Variants in EYA4 observed in about 807,000 individuals in gnomAD.
The protein encoded by EYA4 is protein phosphatase EYA4.
A neutral mutation model predicts 87.9 loss-of-function variants in EYA4; 31 were observed. That is an observed-to-expected ratio of 0.35 (90% confidence interval 0.27 to 0.48). The LOEUF is 0.48. Among genes scored for constraint, EYA4 ranks in the 20% least tolerant of loss-of-function variants. The pLI is 0.99. For missense variants in EYA4, 678 were observed against 761.4 expected, an observed-to-expected ratio of 0.89 and a Z score of 1.29; for synonymous variants, 263 against 270.6, an observed-to-expected ratio of 0.97 and a Z score of 0.28.
chr6:133,306,038 C>T (rs76850763), intron 2 of EYA4, among the ~76,000 whole-genome samples: 2,901 of 152,130 alleles, frequency 0.019, 94 homozygotes, highest in African/African-American at 0.066. Context: ...TGATCACAGA[C>T]GACATTGTGC....
chr6:133,324,228 C>T (rs1203634363), intron 2 of EYA4, among the ~76,000 whole-genome samples: 3 of 152,150 alleles, frequency 2.0e-5, no homozygotes, highest in Non-Finnish European at 4.4e-5. Flanking sequence ...TTATATAGTG[C>T]ATCTCTTTAT....
intron 2 of EYA4, among the ~76,000 whole-genome samples, chr6:133,331,138 C>G (rs1219874512): frequency 6.6e-6 from 1 of 150,780 alleles, no homozygotes; most frequent in Non-Finnish European, 1.5e-5. Context: ...TTCAAAGACC[C>G]CATTGTATTC....
intron 3 of EYA4, among the ~76,000 whole-genome samples, chr6:133,385,234 G>A (rs1158698782): frequency 6.7e-6 from 1 of 148,680 alleles, no homozygotes; most frequent in Non-Finnish European, 1.5e-5. Context: ...GGAAGGCGGA[G>A]CTTGCAGTGA....
At chr6:133,416,558 C>T (rs1309854803) in intron 3 of EYA4, among the ~76,000 whole-genome samples, 1 of 152,178 alleles carries the variant, frequency 6.6e-6, no homozygotes, top group Non-Finnish European at 1.5e-5. Context: ...CCTATCTCTG[C>T]ATCACTAGAT....
chr6:133,254,257 T>A (rs1775159239), intron 1 of EYA4, among the ~76,000 whole-genome samples: 1 of 152,204 alleles, frequency 6.6e-6, no homozygotes, highest in African/African-American at 2.4e-5. Context: ...TGCCTTCTGC[T>A]AAGATCGATT....
At chr6:133,366,690 G>A (rs1192642433) in intron 2 of EYA4, among the ~76,000 whole-genome samples, 1 of 151,522 alleles carries the variant, frequency 6.6e-6, no homozygotes, top group Non-Finnish European at 1.5e-5. Context: ...GACATGATTT[G>A]TTAAGTGTTT....
chr6:133,383,385 G>A (rs957788235), intron 3 of EYA4, among the ~76,000 whole-genome samples: 1 of 152,010 alleles, frequency 6.6e-6, no homozygotes, highest in African/African-American at 2.4e-5. Flanking sequence ...ATGATGGATG[G>A]TGGGTGCCTG....
At chr6:133,433,003 CA>C (rs1791325443) in intron 3 of EYA4, among the ~76,000 whole-genome samples, 1 of 152,164 alleles carries the variant, frequency 6.6e-6, no homozygotes, top group South Asian at 2.1e-4. Context: ...GACTTAAATT[CA>C]TGTTCCTGAT....
chr6:133,251,086 G>T (rs1303540724), intron 1 of EYA4, among the ~76,000 whole-genome samples: 1 of 152,172 alleles, frequency 6.6e-6, no homozygotes, highest in African/African-American at 2.4e-5. Flanking sequence ...AGTTGGCATT[G>T]GCCATTTACG....
intron 3 of EYA4, among the ~76,000 whole-genome samples, chr6:133,411,621 G>A (rs1372588295): frequency 6.6e-6 from 1 of 151,746 alleles, no homozygotes; most frequent in Non-Finnish European, 1.5e-5. Context: ...GTATGACTCA[G>A]TCTATCTTGC....
chr6:133,403,335 A>C (rs927179271), intron 3 of EYA4, among the ~76,000 whole-genome samples: 1 of 152,218 alleles, frequency 6.6e-6, no homozygotes, highest in Non-Finnish European at 1.5e-5. Flanking sequence ...AAACTATGAA[A>C]TAGCTGGCTG....
At position 133,353,125 on chromosome 6, in the gene EYA4, G is replaced by A. The variant is rs2148255; in HGVS notation, c.34-29267G>A. Among the ~76,000 whole-genome samples the A allele has an allele frequency of 3.2e-3, 493 of 152,234 alleles. 3 individuals are homozygous for A. The highest frequency in any genetic ancestry group is 0.011 in the African/African-American group (462 of 41,580). On this transcript the variant is annotated intron_variant, in intron 2 of 19. Coordinates refer to ENST00000355286, the MANE Select transcript of EYA4 (RefSeq NM_004100.5). The stretch of plus-strand genomic sequence containing the variant: ...CATGTCTGTAAGTTGTGCTGAGAAT[G>A]TTTATTCTCCCACAATGAAGATAAC...
chr6:133,272,137 G>A (rs1242252773), intron 1 of EYA4, among the ~76,000 whole-genome samples: 1 of 152,196 alleles, frequency 6.6e-6, no homozygotes, highest in East Asian at 1.9e-4. Context: ...TTTCCCTTCA[G>A]CGCTGTCCTT....
intron 5 of EYA4, among the ~76,000 whole-genome samples, chr6:133,449,612 C>T (rs1234816075): frequency 1.3e-5 from 2 of 152,304 alleles, no homozygotes; most frequent in South Asian, 4.1e-4. Flanking sequence ...CTTAGCACTA[C>T]ACATACTGGC....
intron 2 of EYA4, among the ~76,000 whole-genome samples, chr6:133,376,393 G>A (rs2128470918): frequency 6.6e-6 from 1 of 151,860 alleles, no homozygotes; most frequent in East Asian, 1.9e-4. Flanking sequence ...TCAGTGTATA[G>A]TATGTCCTAA....
Position 133,448,165 on chromosome 6 carries a change from C to T in EYA4, c.263C>T (p.Pro88Leu). 1.2e-6 allele frequency: 2 copies of T among 1,613,052 alleles called. No individual in the cohort carries two copies. Among genetic ancestry groups the T allele is most frequent in the Non-Finnish European group, 1.7e-6 (2 of 1,179,052 alleles). Residue 88 changes from proline to leucine, a missense_variant, in exon 5 of 20, where the codon CCC (proline) becomes CTC (leucine). By Grantham distance (98) the Pro-to-Leu change is moderately conservative. Coordinates refer to ENST00000355286, the MANE Select transcript of EYA4 (RefSeq NM_004100.5). ...TADWLLSCNT[P>L]SSATMSLLAV... ...GACTGGTTGCTGAGTTGCAACACCC[C>T]CTCTTCTGCAACAAGTATGAGAGAT... is the stretch of plus-strand genomic sequence containing the variant.
intron 19 of EYA4, among the ~76,000 whole-genome samples, chr6:133,527,840 A>T (rs1167412825): frequency 6.6e-6 from 1 of 152,214 alleles, no homozygotes; most frequent in African/African-American, 2.4e-5. Context: ...AGAAGATGTC[A>T]TCAGCCCAAA....
At chr6:133,426,127 C>T (rs1300026593) in intron 3 of EYA4, among the ~76,000 whole-genome samples, 1 of 143,972 alleles carries the variant, frequency 6.9e-6, no homozygotes, top group African/African-American at 2.9e-5. Flanking sequence ...TTACAGAAAA[C>T]TCAGTAAAGT....
chr6:133,408,255 A>G (rs1788900375), intron 3 of EYA4, among the ~76,000 whole-genome samples: 1 of 152,162 alleles, frequency 6.6e-6, no homozygotes, highest in Non-Finnish European at 1.5e-5. Flanking sequence ...AAAAGCTAGG[A>G]AGATACTCCT....
Sources: allele counts gnomAD v4.1 joint callset (sites outside exome capture counted in the v4.1 genomes callset), GRCh38; gene constraint gnomAD v4.1.1; transcripts MANE v1.5; gene names NCBI Gene and HGNC (gene_info 2026-07-23, HGNC 2026-07-21).